The following TRIM5 variants were observed in gnomAD, a reference collection of about 807,000 sequenced individuals.
The protein encoded by TRIM5 is tripartite motif containing 5.
TRIM5 carries 31 observed loss-of-function variants against 35.6 expected under a neutral mutation model. The observed-to-expected ratio is 0.87, with a 90% CI of 0.65 to 1.18. The LOEUF is 1.18. Among genes scored for constraint, TRIM5 ranks in the 50% most tolerant of loss-of-function variants. TRIM5 has a pLI of 0.00. For synonymous variants in TRIM5, 243 were observed against 215.6 expected, an observed-to-expected ratio of 1.13 and a Z score of -1.11; for missense variants, 609 against 591.6, an observed-to-expected ratio of 1.03 and a Z score of -0.31.
chr11:5,624,452 G>A, the TRIM5 span, among the ~76,000 whole-genome samples: 1 of 152,168 alleles, frequency 6.6e-6, no homozygotes, highest in African/African-American at 2.4e-5. Flanking sequence ...TGGTACTTTG[G>A]TAGGTAGCAC....
the TRIM5 span, among the ~76,000 whole-genome samples, chr11:5,630,192 T>A: frequency 6.6e-6 from 1 of 152,204 alleles, no homozygotes; most frequent in Non-Finnish European, 1.5e-5. Flanking sequence ...AAATGAGGTC[T>A]GTGCTTACCA....
the TRIM5 span, among the ~76,000 whole-genome samples, chr11:5,613,968 A>G: frequency 1.3e-5 from 2 of 152,180 alleles, no homozygotes; most frequent in African/African-American, 4.8e-5. Context: ...ACTTTAGATA[A>G]TAGTGAAAGC....
the TRIM5 span, among the ~76,000 whole-genome samples, chr11:5,628,091 G>T: frequency 2.0e-5 from 3 of 152,154 alleles, no homozygotes; most frequent in Non-Finnish European, 2.9e-5. Context: ...ACTGGGAAGT[G>T]GTGGGGTCAT....
the TRIM5 span, among the ~76,000 whole-genome samples, chr11:5,597,455 G>C: frequency 1.3e-5 from 2 of 152,110 alleles, no homozygotes; most frequent in African/African-American, 4.8e-5. Flanking sequence ...TTTTGAAACT[G>C]ATTATGTTCC....
the TRIM5 span, among the ~76,000 whole-genome samples, chr11:5,646,535 T>A: frequency 1.3e-5 from 2 of 152,186 alleles, no homozygotes; most frequent in Admixed American, 1.3e-4. Context: ...CTAGCTCTTC[T>A]CATCTTTACA....
At chr11:5,603,461 A>G in the TRIM5 span, 1 of 1,614,104 alleles carries the variant, frequency 6.2e-7, no homozygotes, top group Non-Finnish European at 8.5e-7. Flanking sequence ...GTGATTGGTC[A>G]AGAAGGGGAA....
chr11:5,664,870 A>G lies in TRIM5; in HGVS notation c.1421T>C (p.Phe474Ser), dbSNP rs754067152. ...FSHCSFSQPV[F>S]PYLNPRKCGV... is the part of the protein sequence containing the mutation. Reference sequence around the variant, plus strand: ...ACATTTTCTAGGATTTAAATATGGAAATACAGGCTGAGAAAAAGAACAGTG... The same window carrying G: ...ACATTTTCTAGGATTTAAATATGGAGATACAGGCTGAGAAAAAGAACAGTG... Residue 474 changes from phenylalanine to serine, a missense_variant, in exon 8 of 8, where the codon TTT becomes TCT. Coordinates refer to ENST00000380034, the MANE Select transcript of TRIM5 (RefSeq NM_033034.3). The G allele has an allele frequency of 8.1e-6, 13 of 1,613,372 alleles. No individual in the cohort carries two copies. The highest frequency in any genetic ancestry group is 1.0e-5 in the Non-Finnish European group (12 of 1,179,836).
At chr11:5,616,562 GACTC>G in the TRIM5 span, among the ~76,000 whole-genome samples, 3 of 144,758 alleles carry the variant, frequency 2.1e-5, no homozygotes, top group Non-Finnish European at 4.6e-5. Context: ...CCTTCACAGA[GACTC>G]AGTCAGTTAG....
chr11:5,677,289 C>T (rs1005866611), intron 4 of TRIM5, among the ~76,000 whole-genome samples: 41 of 152,088 alleles, frequency 2.7e-4, no homozygotes, highest in Admixed American at 2.5e-3. Flanking sequence ...AAAAAGTGGG[C>T]GAAGGACATG....
the TRIM5 span, chr11:5,643,914 C>T: frequency 1.5e-6 from 1 of 649,576 alleles, no homozygotes; most frequent in Non-Finnish European, 2.5e-6. Context: ...GAGAAAGTTA[C>T]CTAATCCCTC....
At chr11:5,650,112 T>G in the TRIM5 span, among the ~76,000 whole-genome samples, 6 of 152,328 alleles carry the variant, frequency 3.9e-5, no homozygotes, top group South Asian at 1.2e-3. Context: ...CTGAGGATGG[T>G]AGTTCTTGGA....
intron 3 of TRIM5, among the ~76,000 whole-genome samples, 156 bp from the exon 4 acceptor site, chr11:5,678,590 C>T (rs1051989383): frequency 6.6e-6 from 1 of 152,114 alleles, no homozygotes; most frequent in African/African-American, 2.4e-5. Flanking sequence ...ATTTCTTTTC[C>T]TTCATGACAT....
At chr11:5,607,506 C>T in the TRIM5 span, among the ~76,000 whole-genome samples, 5 of 152,210 alleles carry the variant, frequency 3.3e-5, no homozygotes, top group African/African-American at 4.8e-5. Context: ...AGCTTTTCTT[C>T]GGGGTCATTG....
the TRIM5 span, among the ~76,000 whole-genome samples, chr11:5,646,033 AC>A: frequency 0.12 from 16,829 of 145,174 alleles, 1,289 homozygotes; most frequent in East Asian, 0.37. Flanking sequence ...TGTATAGTAC[AC>A]ATAAATATAT....
At chr11:5,627,842 G>A in the TRIM5 span, among the ~76,000 whole-genome samples, 3 of 152,188 alleles carry the variant, frequency 2.0e-5, no homozygotes, top group African/African-American at 7.2e-5. Flanking sequence ...AACTTCAAAA[G>A]ACATCCTCCC....
chr11:5,631,752 C>A, the TRIM5 span, among the ~76,000 whole-genome samples: 1 of 152,150 alleles, frequency 6.6e-6, no homozygotes, highest in African/African-American at 2.4e-5. Context: ...TGTGGAGAGA[C>A]AGGGAAGTTT....
At chr11:5,614,620 T>C in the TRIM5 span, among the ~76,000 whole-genome samples, 3 of 152,212 alleles carry the variant, frequency 2.0e-5, no homozygotes, top group South Asian at 2.1e-4. Context: ...TCTGGAACTA[T>C]GTTAATTCCA....
At chr11:5,605,224 C>T in the TRIM5 span, 1 of 1,400,358 alleles carries the variant, frequency 7.1e-7, no homozygotes, top group Non-Finnish European at 1.0e-6. Flanking sequence ...CCCTCCCTCT[C>T]CCTGGGAGGC....
At chr11:5,599,311 G>A in the TRIM5 span, among the ~76,000 whole-genome samples, 1 of 152,184 alleles carries the variant, frequency 6.6e-6, no homozygotes, top group Admixed American at 6.5e-5. Context: ...AAATGAAAGT[G>A]TGCATGTGTT....
Sources: gnomAD v4.1 joint callset for allele counts (sites outside exome capture counted in the v4.1 genomes callset) on GRCh38, gnomAD v4.1.1 for gene constraint, MANE v1.5 for transcripts, NCBI Gene and HGNC (gene_info 2026-07-23, HGNC 2026-07-21) for gene names.